GTF2IRD1: variants seen among roughly 807,000 people sequenced by gnomAD.
GTF2IRD1 encodes GTF2I repeat domain containing 1.
GTF2IRD1 carries 26 observed loss-of-function variants against 113.2 expected under a neutral mutation model. That is an observed-to-expected ratio of 0.23 (90% CI 0.17 to 0.32). GTF2IRD1 has a LOEUF of 0.32. Among genes scored for constraint, GTF2IRD1 ranks in the 10% least tolerant of loss-of-function variants. GTF2IRD1 has a pLI of 1.00. For synonymous variants in GTF2IRD1, 484 were observed against 529.1 expected (o/e 0.91, Z 1.17); for missense variants, 864 against 1,280.8 (o/e 0.67, Z 4.97).
At chr7:74,524,015 G>C in intron 7 of GTF2IRD1, 56 bp from the exon 8 acceptor site, 1 of 1,242,966 alleles carries the variant, frequency 8.0e-7, no homozygotes, top group Non-Finnish European at 1.2e-6. Context: ...GGCCGGTGGA[G>C]GGCGTGTGAC....
intron 22 of GTF2IRD1, among the ~76,000 whole-genome samples, chr7:74,560,693 T>G (rs1799899974): frequency 6.6e-6 from 1 of 151,918 alleles, no homozygotes; most frequent in African/African-American, 2.4e-5. Context: ...CAAGCTATTC[T>G]GCCTCAGCCT....
intron 25 of GTF2IRD1, among the ~76,000 whole-genome samples, chr7:74,595,541 TA>T (rs1395978127): frequency 6.0e-5 from 9 of 151,158 alleles, no homozygotes; most frequent in African/African-American, 1.7e-4. Flanking sequence ...AAAAATTTCA[TA>T]AAAAAATTTT....
At chr7:74,558,363 T>C (rs1317432894) in intron 20 of GTF2IRD1, among the ~76,000 whole-genome samples, 1 of 121,488 alleles carries the variant, frequency 8.2e-6, no homozygotes, top group African/African-American at 3.2e-5. Flanking sequence ...TTTTTTTTTT[T>C]TTTTTTTTTT....
intron 8 of GTF2IRD1, among the ~76,000 whole-genome samples, chr7:74,526,934 C>CA (rs1205705889): frequency 6.6e-6 from 1 of 152,122 alleles, no homozygotes; most frequent in Non-Finnish European, 1.5e-5. Context: ...GCTGCATCAA[C>CA]AGGAAAACAG....
rs1554350906 is a variant in GTF2IRD1, at chr7:74,538,731, A to T, written c.1499A>T (p.Asp500Val). The change falls in exon 13 of 27, where the codon GAT (aspartate) becomes GTT (valine). Residue 500 changes from aspartate (D) to valine (V), a missense_variant. This residue lies in a region of GTF2IRD1 where 218 missense variants were observed against 352.6 expected (regional missense o/e 0.62). Transcript: ENST00000424337. The part of the protein sequence containing the change: ...GLRPIKIEPE[D>V]LDIIQVTVPD... ...AGGCCGATCAAAATTGAGCCAGAGG[A>T]TCTGGACATCATTCAGGTCACCGTC... is the stretch of plus-strand genomic sequence containing the variant. 1 of 1,601,898 alleles carries T rather than the reference A, an allele frequency of 6.2e-7. No homozygotes were observed. The highest frequency in any genetic ancestry group is 2.2e-5 in the East Asian group (1 of 44,802).
At chr7:74,518,687 C>A (rs1554345231) in intron 5 of GTF2IRD1, among the ~76,000 whole-genome samples, 1 of 151,936 alleles carries the variant, frequency 6.6e-6, no homozygotes. Context: ...CAAGACCAGC[C>A]TGGGCAACAT....
At chr7:74,568,509 G>T (rs1304915293) in intron 22 of GTF2IRD1, among the ~76,000 whole-genome samples, 1 of 151,994 alleles carries the variant, frequency 6.6e-6, no homozygotes, top group Non-Finnish European at 1.5e-5. Flanking sequence ...TTAGCTGGGC[G>T]TGATGGCGGG....
chr7:74,466,155 C>T lies in GTF2IRD1; in HGVS notation c.-7+11979C>T, dbSNP rs113839952. 9.6e-3 allele frequency among the ~76,000 whole-genome samples: 1,467 copies of T among 152,324 alleles called. 24 individuals are homozygous for T. Among genetic ancestry groups the T allele is most frequent in the African/African-American group, 0.032 (1,332 of 41,576 alleles). ...TCCCCTTGGCCTGCCGACCCCTTAG[C>T]CCCTCAAGGTCACAGTCAGCCATCC... On this transcript the variant is annotated intron_variant, in intron 1 of 26. Transcript: ENST00000424337.
At chr7:74,494,543 C>T (rs1283861866) in intron 1 of GTF2IRD1, among the ~76,000 whole-genome samples, 1 of 152,152 alleles carries the variant, frequency 6.6e-6, no homozygotes, top group Non-Finnish European at 1.5e-5. Flanking sequence ...TCTGTTGGTT[C>T]AAAGTGGGTC....
chr7:74,598,961 G>T (rs1430388597), intron 25 of GTF2IRD1, among the ~76,000 whole-genome samples: 5 of 152,108 alleles, frequency 3.3e-5, no homozygotes, highest in Admixed American at 6.6e-5. Context: ...AGAGACATTT[G>T]CCCCATGGAC....
At chr7:74,574,781 C>T (rs1382872551) in intron 22 of GTF2IRD1, among the ~76,000 whole-genome samples, 3 of 149,562 alleles carry the variant, frequency 2.0e-5, no homozygotes, top group African/African-American at 7.4e-5. Flanking sequence ...TTTTAATCAA[C>T]ACTGATTAAA....
At chr7:74,455,372 G>A (rs370910196) in intron 1 of GTF2IRD1, among the ~76,000 whole-genome samples, 39 of 152,332 alleles carry the variant, frequency 2.6e-4, no homozygotes, top group African/African-American at 8.2e-4. Flanking sequence ...CCACCCTGGC[G>A]CGCCGCTGCC....
At chr7:74,543,057 G>T (rs1319517141) in intron 14 of GTF2IRD1, among the ~76,000 whole-genome samples, 3 of 147,534 alleles carry the variant, frequency 2.0e-5, no homozygotes, top group African/African-American at 7.5e-5. Flanking sequence ...TATAATCCCA[G>T]CACTTTGGGA....
At chr7:74,537,434 C>T (rs1554350507) in intron 11 of GTF2IRD1, among the ~76,000 whole-genome samples, 1 of 151,642 alleles carries the variant, frequency 6.6e-6, no homozygotes, top group African/African-American at 2.4e-5. Flanking sequence ...ACAAAAAAAA[C>T]ATGGATGCAT....
chr7:74,518,104 C>T (rs1369600742), intron 4 of GTF2IRD1, 35 bp from the exon 5 acceptor site: 3 of 1,413,974 alleles, frequency 2.1e-6, no homozygotes, highest in Non-Finnish European at 1.9e-6. Flanking sequence ...GCTGCCCTCT[C>T]ATACCAGGCC....
chr7:74,574,153 T>TA (rs1800861897), intron 22 of GTF2IRD1, among the ~76,000 whole-genome samples: 1 of 139,698 alleles, frequency 7.2e-6, no homozygotes, highest in Non-Finnish European at 1.5e-5. Context: ...CAAGCTAATT[T>TA]TTTTTTTTTT....
intron 22 of GTF2IRD1, among the ~76,000 whole-genome samples, chr7:74,578,205 G>A (rs1213312926): frequency 2.6e-5 from 4 of 151,616 alleles, no homozygotes; most frequent in South Asian, 2.1e-4. Flanking sequence ...TTTTTGAGAC[G>A]GAGTCTCGCA....
At chr7:74,550,120 C>T (rs587665640) in intron 17 of GTF2IRD1, among the ~76,000 whole-genome samples, 23 of 151,986 alleles carry the variant, frequency 1.5e-4, no homozygotes, top group Non-Finnish European at 2.8e-4. Context: ...CACTTGAACC[C>T]GAGAGGCAGA....
chr7:74,524,305 C>G, intron 8 of GTF2IRD1, 151 bp downstream of exon 8: 1 of 606,818 alleles, frequency 1.6e-6, no homozygotes. Context: ...TCGCGGGCTC[C>G]TCCTGTCTGG....
Sources: allele counts gnomAD v4.1 joint callset (sites outside exome capture counted in the v4.1 genomes callset), GRCh38; gene constraint gnomAD v4.1.1; regional missense constraint gnomAD v4.1.1; transcripts MANE v1.5; gene names NCBI Gene and HGNC (gene_info 2026-07-23, HGNC 2026-07-21).